RPS6KA2: variants seen among roughly 807,000 people sequenced by gnomAD.
The protein encoded by RPS6KA2 is ribosomal protein S6 kinase A2.
In RPS6KA2, 42 loss-of-function variants were observed where a neutral mutation model predicts 91.8. The ratio of observed to expected loss-of-function variants is 0.46; its 90% CI spans 0.36 to 0.59. The LOEUF is 0.59. Ranked by LOEUF, RPS6KA2 falls within the 20% of genes least tolerant of loss-of-function variation. RPS6KA2 has a pLI of 0.00. For missense variants in RPS6KA2, 798 were observed against 978.5 expected (o/e 0.82, Z 2.46); for synonymous variants, 414 against 393.6 (o/e 1.05, Z -0.61).
intron 1 of RPS6KA2, among the ~76,000 whole-genome samples, chr6:166,617,067 C>T (rs763627358): frequency 6.6e-6 from 1 of 152,180 alleles, no homozygotes; most frequent in South Asian, 2.1e-4. Context: ...CATCGTGGGC[C>T]GAAGGCAGTC....
Position 166,448,632 on chromosome 6 carries a change from T to A in RPS6KA2, c.1332+92A>T. On this transcript the variant is annotated intron_variant, in intron 14 of 20. Coordinates refer to ENST00000265678, the MANE Select transcript of RPS6KA2 (RefSeq NM_021135.6). The surrounding 1 kb of genome is among the most constrained non-coding windows in gnomAD (Gnocchi z 4.7). Reference sequence around the variant, plus strand: ...ACGCTGCACTCACACAGGGCCCTGCTATGCTCCTATGCTCCGTGCTCCCAC... The same window carrying A: ...ACGCTGCACTCACACAGGGCCCTGCAATGCTCCTATGCTCCGTGCTCCCAC... 1 of 1,450,886 alleles carries A rather than the reference T, an allele frequency of 6.9e-7. No individual in the cohort carries two copies. The highest frequency in any genetic ancestry group is 9.3e-7 in the Non-Finnish European group (1 of 1,077,196). The allele number at this position is 1,450,886 out of a possible 1,614,324, so 89.9% of individuals were successfully genotyped here. A position where few individuals can be genotyped will look rare whatever the true frequency, so the allele number is the denominator to read the frequency against.
At chr6:166,772,251 C>T (rs1394396424) in intron 2 of RPS6KA2, among the ~76,000 whole-genome samples, 1 of 151,706 alleles carries the variant, frequency 6.6e-6, no homozygotes, top group East Asian at 1.9e-4. Context: ...ACCCCACCCC[C>T]CAGCCCCCCC....
chr6:166,613,070 C>G lies in RPS6KA2; in HGVS notation c.99+13851G>C, dbSNP rs1786245919. On this transcript the variant is annotated intron_variant, in intron 1 of 20. Coordinates refer to ENST00000265678, the MANE Select transcript of RPS6KA2 (RefSeq NM_021135.6). ...AGGGCCTTTCCCTGTATTTCAAGTC[C>G]TTAGTTAAAAGCACGTGTCTGAATT... Among the ~76,000 whole-genome samples the G allele has an allele frequency of 1.3e-5, 2 of 152,176 alleles. 1 individual carries two copies. Among genetic ancestry groups the G allele is most frequent in the South Asian group, 4.1e-4 (2 of 4,826 alleles).
chr6:166,560,435 G>C (rs1402433920), intron 1 of RPS6KA2, among the ~76,000 whole-genome samples: 3 of 152,192 alleles, frequency 2.0e-5, no homozygotes, highest in African/African-American at 7.2e-5. Context: ...GCTTACAATT[G>C]TTTTCCTGAC....
chr6:166,575,471 C>T (rs1430340797), intron 1 of RPS6KA2, among the ~76,000 whole-genome samples: 2 of 152,142 alleles, frequency 1.3e-5, no homozygotes, highest in Non-Finnish European at 2.9e-5. Context: ...TCGTGTGAGG[C>T]TTTCCAGAAG....
chr6:166,794,334 T>TCATTAAAAAGTGAGGAAA (rs1405490370), intron 2 of RPS6KA2, among the ~76,000 whole-genome samples: 11 of 152,032 alleles, frequency 7.2e-5, no homozygotes, highest in African/African-American at 2.7e-4. Context: ...AGAATGGCGA[T>TCATTAAAAAGTGAGGAAA]CATTAAAAAG....
chr6:166,680,022 T>G (rs921100616), intron 2 of RPS6KA2, among the ~76,000 whole-genome samples: 1 of 152,212 alleles, frequency 6.6e-6, no homozygotes, highest in South Asian at 2.1e-4. Flanking sequence ...AGCTAAAGGA[T>G]TGTAAACCCA....
At position 166,706,074 on chromosome 6, in the gene RPS6KA2, T is replaced by C. The variant is rs375294183; in HGVS notation, c.123+152126A>G. ...CACTGGATCTGTGGGTTCCTCGATC[T>C]TGGACTTCCAGCCTCCAGAACTGTG... On this transcript the variant is annotated intron_variant, in intron 2 of 21. Coordinates refer to the RPS6KA2 transcript ENST00000503859. Among the ~76,000 whole-genome samples, 7 of 152,244 alleles carry C rather than the reference T, an allele frequency of 4.6e-5. No homozygotes were observed. In the East Asian group the frequency reaches 1.3e-3, roughly 29 times the overall value.
At chr6:166,566,212 G>A (rs1784497763) in intron 1 of RPS6KA2, among the ~76,000 whole-genome samples, 1 of 152,210 alleles carries the variant, frequency 6.6e-6, no homozygotes, top group South Asian at 2.1e-4. Context: ...TACTGCAGGG[G>A]AGGCCATGTT....
chr6:166,547,883 C>T (rs923427725), intron 1 of RPS6KA2, among the ~76,000 whole-genome samples: 1 of 152,252 alleles, frequency 6.6e-6, no homozygotes, highest in African/African-American at 2.4e-5. Flanking sequence ...TGTACAAATT[C>T]CATGGTCGAC....
chr6:166,701,331 TG>T, intron 2 of RPS6KA2: 2 of 1,580,452 alleles, frequency 1.3e-6, no homozygotes, highest in Non-Finnish European at 1.7e-6. Context: ...TTCCAGTAAC[TG>T]CCAGCAGCAA....
chr6:166,618,910 CTG>C (rs1310289040), intron 1 of RPS6KA2, among the ~76,000 whole-genome samples: 4 of 151,932 alleles, frequency 2.6e-5, no homozygotes, highest in South Asian at 4.1e-4. Context: ...GAGAGACACA[CTG>C]GACGCTGCGC....
intron 2 of RPS6KA2, among the ~76,000 whole-genome samples, chr6:166,754,360 G>C (rs1279527015): frequency 6.6e-6 from 1 of 152,248 alleles, no homozygotes; most frequent in African/African-American, 2.4e-5. Context: ...GGGATGCACT[G>C]AGCCTGTCTG....
intron 5 of RPS6KA2, among the ~76,000 whole-genome samples, chr6:166,505,317 G>T (rs1782165298): frequency 6.6e-6 from 1 of 152,160 alleles, no homozygotes; most frequent in Non-Finnish European, 1.5e-5. Context: ...CCATGTCCCG[G>T]GGGCTCACTC....
chr6:166,469,265 A>T (rs1221224352), intron 11 of RPS6KA2, among the ~76,000 whole-genome samples: 7 of 151,360 alleles, frequency 4.6e-5, no homozygotes, highest in African/African-American at 1.7e-4. Context: ...CTGGAAATGG[A>T]GGCTTTACCA....
intron 2 of RPS6KA2, among the ~76,000 whole-genome samples, chr6:166,536,453 T>A (rs934982700): frequency 2.0e-5 from 3 of 152,200 alleles, no homozygotes; most frequent in African/African-American, 7.2e-5. Flanking sequence ...CAGTTTTGCT[T>A]AAATTAAAAA....
chr6:166,623,751 G>A (rs1786731426), intron 1 of RPS6KA2, among the ~76,000 whole-genome samples: 2 of 152,156 alleles, frequency 1.3e-5, no homozygotes, highest in African/African-American at 4.8e-5. Context: ...CACCTTTCTG[G>A]GGCACACCCA....
intron 14 of RPS6KA2, among the ~76,000 whole-genome samples, chr6:166,441,858 G>A (rs759785451): frequency 6.6e-6 from 1 of 152,276 alleles, no homozygotes; most frequent in African/African-American, 2.4e-5. Context: ...GAAGGAAGCT[G>A]GAGCAGCTGC....
In RPS6KA2 at chr6:166,544,808, G is replaced by C. The variant is rs1476051647; in HGVS notation, c.100-6024C>G. 3 of 152,104 alleles carry C rather than the reference G, an allele frequency of 2.0e-5. 1 individual carries two copies. The East Asian group carries it at 5.8e-4, about 29-fold the overall frequency. 9.4% of individuals were successfully genotyped at this position (152,104 alleles called of 1,614,324 possible). A position where few individuals can be genotyped will look rare whatever the true frequency, so the allele number is the denominator to read the frequency against. ...GAGCAAATGTGAAATGAAATGATGG[G>C]ACCAGCTGCATTTGTCCAATCAATT... On this transcript the variant is annotated intron_variant, in intron 1 of 20. Coordinates refer to ENST00000265678, the MANE Select transcript of RPS6KA2 (RefSeq NM_021135.6).
Sources: allele counts gnomAD v4.1 joint callset (sites outside exome capture counted in the v4.1 genomes callset), GRCh38; gene constraint gnomAD v4.1.1; non-coding constraint Gnocchi (gnomAD v3.1); transcripts MANE v1.5; gene names NCBI Gene and HGNC (gene_info 2026-07-23, HGNC 2026-07-21).